OSTN: variants seen among roughly 807,000 people sequenced by gnomAD.
OSTN encodes osteocrin.
Under a neutral mutation model 12.0 loss-of-function variants are expected in OSTN, and 9 were observed. The ratio of observed to expected loss-of-function variants is 0.75; its 90% CI spans 0.45 to 1.30. OSTN has a LOEUF of 1.30. OSTN is among the 50% of genes most tolerant of loss of function. The pLI is 0.00. For synonymous variants in OSTN, 59 were observed against 56.9 expected, an observed-to-expected ratio of 1.04 and a Z score of -0.16; for missense variants, 148 against 152.3, an observed-to-expected ratio of 0.97 and a Z score of 0.15.
At chr3:191,257,555 C>A (rs1715700137) in intron 4 of OSTN, among the ~76,000 whole-genome samples, 1 of 152,012 alleles carries the variant, frequency 6.6e-6, no homozygotes, top group South Asian at 2.1e-4. Context: ...CAGGTGTTAT[C>A]CCCCACCCTC....
At chr3:191,248,457 A>T (rs73199671) in intron 3 of OSTN, among the ~76,000 whole-genome samples, 1 of 152,080 alleles carries the variant, frequency 6.6e-6, no homozygotes, top group South Asian at 2.1e-4. Context: ...ATTAGTATAA[A>T]GTAATTATTG....
At chr3:191,204,898 C>T (rs116554707) in intron 1 of OSTN, among the ~76,000 whole-genome samples, 2,478 of 152,142 alleles carry the variant, frequency 0.016, 52 homozygotes, top group African/African-American at 0.055. Flanking sequence ...CAAACATCTG[C>T]CTTCAGCTTC....
intron 3 of OSTN, among the ~76,000 whole-genome samples, chr3:191,239,138 A>G (rs947066650): frequency 4.6e-5 from 7 of 152,238 alleles, no homozygotes; most frequent in African/African-American, 1.4e-4. Flanking sequence ...AAAGCAAGGA[A>G]AGGATGAAAC....
intron 4 of OSTN, among the ~76,000 whole-genome samples, chr3:191,250,350 A>T (rs187735559): frequency 2.6e-5 from 4 of 152,244 alleles, no homozygotes; most frequent in African/African-American, 7.2e-5. Context: ...GTTCTGCTTC[A>T]CTCTCCAAAA....
intron 3 of OSTN, among the ~76,000 whole-genome samples, chr3:191,220,531 A>G (rs947640578): frequency 1.1e-4 from 17 of 152,202 alleles, no homozygotes; most frequent in African/African-American, 4.1e-4. Context: ...GTACACTGTT[A>G]GTGGGAATGT....
At chr3:191,262,837 T>C (rs1370038359) in intron 4 of OSTN, 29 bp from the exon 5 acceptor site, 1 of 701,744 alleles carries the variant, frequency 1.4e-6, no homozygotes. Flanking sequence ...TCTCATTAGC[T>C]TTAACAATCT....
chr3:191,263,949 AC>A lies in OSTN; in HGVS notation c.*1097del, dbSNP rs1351263120. On this transcript the variant is annotated 3_prime_UTR_variant, in exon 5 of 5. Transcript: ENST00000682035. Reference sequence around the variant, plus strand: ...TGCATTGGATATACTTTGAAAACACACAAAAAAAACTTTCTATGGAACAGAG... The same window carrying A: ...TGCATTGGATATACTTTGAAAACACAAAAAAAAACTTTCTATGGAACAGAG... 3 of 115,916 alleles carry A rather than the reference AC, an allele frequency of 2.6e-5. No homozygotes were observed. The highest frequency in any genetic ancestry group is 8.4e-5 in the African/African-American group (3 of 35,632). The allele number at this position is 115,916 out of a possible 1,614,324, so 7.2% of individuals were successfully genotyped here. A position where few individuals can be genotyped will look rare whatever the true frequency, so the allele number is the denominator to read the frequency against.
chr3:191,246,264 C>G (rs1471736109), intron 3 of OSTN, among the ~76,000 whole-genome samples: 1 of 151,826 alleles, frequency 6.6e-6, no homozygotes, highest in Non-Finnish European at 1.5e-5. Context: ...ACGTTGTTGG[C>G]AGAACTCAGT....
intron 1 of OSTN, among the ~76,000 whole-genome samples, chr3:191,203,299 T>C (rs898475261): frequency 1.3e-5 from 2 of 152,226 alleles, no homozygotes; most frequent in African/African-American, 4.8e-5. Context: ...GAACATGACA[T>C]GGTCTCTGCC....
rs192517028 is a variant in OSTN, at chr3:191,200,036, T to C, written c.-1+729T>C. Among the ~76,000 whole-genome samples the C allele has an allele frequency of 2.9e-3, 438 of 152,274 alleles. 1 individual carries two copies. Among genetic ancestry groups the C allele is most frequent in the Non-Finnish European group, 4.7e-3 (319 of 67,984 alleles). On this transcript the variant is annotated intron_variant, in intron 1 of 4. Transcript: ENST00000682035. The stretch of plus-strand genomic sequence containing the variant: ...TTGTTTCTTTGAATAACAGACTCTA[T>C]AGGTTTAGGAATGTGATTATTATTT...
intron 3 of OSTN, among the ~76,000 whole-genome samples, chr3:191,230,264 A>T (rs1051565986): frequency 3.3e-5 from 5 of 151,478 alleles, no homozygotes; most frequent in Non-Finnish European, 5.9e-5. Flanking sequence ...TAGGGGCTTA[A>T]ACATTAAGGG....
At chr3:191,205,202 C>T (rs567778863) in intron 1 of OSTN, among the ~76,000 whole-genome samples, 18 of 152,048 alleles carry the variant, frequency 1.2e-4, no homozygotes, top group Non-Finnish European at 2.6e-4. Flanking sequence ...AAATAACTTA[C>T]ATTTTGTGAA....
intron 1 of OSTN, among the ~76,000 whole-genome samples, chr3:191,205,463 T>C (rs1054491749): frequency 1.3e-5 from 2 of 151,268 alleles, no homozygotes; most frequent in Non-Finnish European, 2.9e-5. Flanking sequence ...TATATATGTA[T>C]ATAAAACCTT....
At chr3:191,226,225 T>A (rs1372704091) in intron 3 of OSTN, among the ~76,000 whole-genome samples, 1 of 152,048 alleles carries the variant, frequency 6.6e-6, no homozygotes, top group Non-Finnish European at 1.5e-5. Context: ...AAAGTAAATA[T>A]GATTTAATAT....
intron 3 of OSTN, among the ~76,000 whole-genome samples, chr3:191,241,327 C>A (rs925974973): frequency 4.0e-5 from 6 of 151,732 alleles, no homozygotes; most frequent in East Asian, 3.9e-4. Context: ...GGAATACAGG[C>A]GCTCGCCAGC....
chr3:191,246,328 G>C (rs896526353), intron 3 of OSTN, among the ~76,000 whole-genome samples: 19 of 152,010 alleles, frequency 1.2e-4, no homozygotes, highest in African/African-American at 4.6e-4. Context: ...CTAGTAGGCC[G>C]GGTGTGGTGG....
intron 4 of OSTN, among the ~76,000 whole-genome samples, chr3:191,254,797 C>T (rs1049052230): frequency 6.6e-6 from 1 of 152,194 alleles, no homozygotes; most frequent in African/African-American, 2.4e-5. Flanking sequence ...ATTGGCCATA[C>T]AAGGTCTTTT....
intron 3 of OSTN, among the ~76,000 whole-genome samples, chr3:191,232,698 T>G (rs1172565368): frequency 6.6e-6 from 1 of 151,562 alleles, no homozygotes; most frequent in Non-Finnish European, 1.5e-5. Context: ...CCTCCCAGTT[T>G]CAAGTGATTC....
At chr3:191,262,842 C>A (rs1715842816) in intron 4 of OSTN, 24 bp from the exon 5 acceptor site, 1 of 701,708 alleles carries the variant, frequency 1.4e-6, no homozygotes, top group Non-Finnish European at 2.6e-6. Flanking sequence ...TTAGCTTTAA[C>A]AATCTCAACT....
Sources: gnomAD v4.1 joint callset for allele counts (sites outside exome capture counted in the v4.1 genomes callset) on GRCh38, gnomAD v4.1.1 for gene constraint, MANE v1.5 for transcripts, NCBI Gene and HGNC (gene_info 2026-07-23, HGNC 2026-07-21) for gene names.